Variants in EML6 observed in about 807,000 individuals in gnomAD.
EML6 encodes the protein echinoderm microtubule-associated protein-like 6.
EML6 carries 154 observed loss-of-function variants against 240.1 expected under a neutral mutation model. That is an observed-to-expected ratio of 0.64 (90% confidence interval 0.56 to 0.73). EML6 has a LOEUF of 0.73. Among genes scored for constraint, EML6 ranks in the 30% least tolerant of loss-of-function variants. EML6 has a pLI of 0.00. For synonymous variants in EML6, 1,148 were observed against 899.0 expected, an observed-to-expected ratio of 1.28 and a Z score of -4.95; for missense variants, 2,964 against 2,474.6, an observed-to-expected ratio of 1.20 and a Z score of -4.20.
intron 5 of EML6, among the ~76,000 whole-genome samples, chr2:54,826,882 C>T (rs1469443600): frequency 6.6e-6 from 1 of 152,084 alleles, no homozygotes; most frequent in Non-Finnish European, 1.5e-5. Flanking sequence ...ACTAAAAATA[C>T]CTAGATATAG....
At chr2:54,954,500 G>T (rs555075756) in intron 32 of EML6, among the ~76,000 whole-genome samples, 2 of 152,178 alleles carry the variant, frequency 1.3e-5, no homozygotes, top group Non-Finnish European at 2.9e-5. Context: ...CTTGTCTTCC[G>T]TGCTCTTTCT....
chr2:54,918,894 T>A (rs1674073002), intron 26 of EML6, among the ~76,000 whole-genome samples: 1 of 152,216 alleles, frequency 6.6e-6, no homozygotes, highest in Non-Finnish European at 1.5e-5. Flanking sequence ...TATCACTACT[T>A]CTTTTTCCAA....
At chr2:54,960,388 T>C in intron 35 of EML6, 54 bp downstream of exon 35, 2 of 1,319,252 alleles carry the variant, frequency 1.5e-6, no homozygotes, top group African/African-American at 2.9e-5. Context: ...GAAGTGTAGG[T>C]ACCCTCCCAG....
chr2:54,724,418 G>A lies in EML6; in HGVS notation c.-513-131G>A, dbSNP rs894823757. 1 of 152,194 alleles carries A rather than the reference G, an allele frequency of 6.6e-6. No homozygotes were observed. The highest frequency in any genetic ancestry group is 2.4e-5 in the African/African-American group (1 of 41,446). 9.4% of individuals were successfully genotyped at this position (152,194 alleles called of 1,614,324 possible). ...ATCATTAAGGAGATGGAACTGGAGAGAGAAAGCGGGAGTAGGGGACAATTT... is the reference window on the plus strand; with the variant it reads ...ATCATTAAGGAGATGGAACTGGAGAAAGAAAGCGGGAGTAGGGGACAATTT... On this transcript the variant is annotated intron_variant, in intron 1 of 41. Transcript: ENST00000356458. This position sits in a 1 kb window ranked among gnomAD's most constrained non-coding sequence, Gnocchi z 5.2.
At chr2:54,923,595 C>T (rs534488750) in intron 26 of EML6, among the ~76,000 whole-genome samples, 1 of 152,126 alleles carries the variant, frequency 6.6e-6, no homozygotes, top group African/African-American at 2.4e-5. Flanking sequence ...TTTCATCATG[C>T]ATATTACTAT....
chr2:54,726,965 A>T (rs2104361348), intron 2 of EML6, among the ~76,000 whole-genome samples: 1 of 152,282 alleles, frequency 6.6e-6, no homozygotes, highest in South Asian at 2.1e-4. Context: ...CCTAATCCTA[A>T]TTTTTTCTCT....
chr2:54,860,950 AAC>A (rs1296362739), intron 12 of EML6, among the ~76,000 whole-genome samples: 1 of 152,194 alleles, frequency 6.6e-6, no homozygotes, highest in Non-Finnish European at 1.5e-5. Flanking sequence ...TATATCACAG[AAC>A]AGAGATGTGG....
chr2:54,952,757 T>C lies in EML6; in HGVS notation c.4312+65T>C, dbSNP rs1049653317. 2.7e-5 allele frequency: 30 copies of C among 1,111,826 alleles called. No homozygotes were observed. The East Asian group carries it at 4.4e-4, about 16-fold the overall frequency. The allele number at this position is 1,111,826 out of a possible 1,614,324, so 68.9% of individuals were successfully genotyped here. On this transcript the variant is annotated intron_variant, in intron 31 of 41. Coordinates refer to ENST00000356458, the MANE Select transcript of EML6 (RefSeq NM_001039753.4). Reference sequence around the variant, plus strand: ...AGGGACGCTGACCTGTCAGCAATTATTGGGAGAGGGAGTGGGTGGGTTGCT... The same window carrying C: ...AGGGACGCTGACCTGTCAGCAATTACTGGGAGAGGGAGTGGGTGGGTTGCT...
At chr2:54,943,611 C>G (rs1675538997) in intron 28 of EML6, among the ~76,000 whole-genome samples, 1 of 152,132 alleles carries the variant, frequency 6.6e-6, no homozygotes, top group African/African-American at 2.4e-5. Flanking sequence ...TCTTTAACCC[C>G]TGAGTCCAGT....
intron 2 of EML6, among the ~76,000 whole-genome samples, chr2:54,784,274 T>G (rs377267222): frequency 3.3e-5 from 5 of 152,192 alleles, no homozygotes; most frequent in South Asian, 2.1e-4. Context: ...TAGATCTTTA[T>G]GAAGTTGTAA....
chr2:54,734,037 A>T (rs993035205), intron 2 of EML6, among the ~76,000 whole-genome samples: 1 of 152,188 alleles, frequency 6.6e-6, no homozygotes, highest in African/African-American at 2.4e-5. Context: ...AAGGGCTTAC[A>T]TTAAAAATAT....
Position 54,895,402 on chromosome 2 carries a change from T to G in EML6, c.2982+2T>G. Reference sequence around the variant, plus strand: ...GGCCCAATGACACTGCTTGTTCAGGTACTGTTTGTATGTATTCTAAACTGC... The same window carrying G: ...GGCCCAATGACACTGCTTGTTCAGGGACTGTTTGTATGTATTCTAAACTGC... On this transcript the variant is annotated splice_donor_variant, in intron 21 of 41. Coordinates refer to ENST00000356458, the MANE Select transcript of EML6 (RefSeq NM_001039753.4). LOFTEE classifies it high-confidence loss of function. 6.4e-7 allele frequency: 1 copy of G among 1,551,852 alleles called. No individual in the cohort carries two copies. The highest frequency in any genetic ancestry group is 8.7e-7 in the Non-Finnish European group (1 of 1,146,886).
intron 10 of EML6, among the ~76,000 whole-genome samples, chr2:54,852,994 G>A (rs533976992): frequency 5.3e-5 from 8 of 152,262 alleles, no homozygotes; most frequent in Non-Finnish European, 1.0e-4. Flanking sequence ...TTATTTTCCC[G>A]CGTGAATTAC....
chr2:54,734,594 A>C (rs560491025), intron 2 of EML6, among the ~76,000 whole-genome samples: 16 of 152,212 alleles, frequency 1.1e-4, no homozygotes, highest in South Asian at 4.1e-4. Context: ...GGCACTGGGG[A>C]GGTGGCTTGA....
At chr2:54,849,376 C>T (rs997942773) in intron 9 of EML6, among the ~76,000 whole-genome samples, 1 of 152,228 alleles carries the variant, frequency 6.6e-6, no homozygotes, top group Non-Finnish European at 1.5e-5. Context: ...TTCTATCACA[C>T]TGCAGTTTGT....
intron 25 of EML6, among the ~76,000 whole-genome samples, chr2:54,912,090 C>T (rs1399148613): frequency 6.6e-6 from 1 of 152,236 alleles, no homozygotes; most frequent in Non-Finnish European, 1.5e-5. Context: ...TAAACTGTCC[C>T]AGTATTGTAA....
chr2:54,864,472 C>T (rs1378310971), intron 13 of EML6, among the ~76,000 whole-genome samples: 1 of 152,198 alleles, frequency 6.6e-6, no homozygotes, highest in African/African-American at 2.4e-5. Flanking sequence ...ATCATTTTAG[C>T]ACTAAACAGT....
rs545070486 is a variant in EML6 at position 54,878,350 on chromosome 2, A to G, written c.2345-1197A>G. Among the ~76,000 whole-genome samples the G allele has an allele frequency of 1.1e-4, 16 of 152,266 alleles. No homozygotes were observed. In the South Asian group the frequency reaches 3.3e-3, roughly 32 times the overall value. The stretch of plus-strand genomic sequence containing the variant: ...CATGGCTGGCCCTTGGTAGTCAGAG[A>G]AGAGCCCTGATATACTGATGCAGGA... On this transcript the variant is annotated intron_variant, in intron 16 of 41. Transcript: ENST00000356458.
At chr2:54,818,497 C>T (rs1668179447) in intron 4 of EML6, among the ~76,000 whole-genome samples, 1 of 152,188 alleles carries the variant, frequency 6.6e-6, no homozygotes, top group African/African-American at 2.4e-5. Flanking sequence ...GTTCCTGTAC[C>T]TCAGTTCATT....
Sources: allele counts gnomAD v4.1 joint callset (sites outside exome capture counted in the v4.1 genomes callset), GRCh38; gene constraint gnomAD v4.1.1; non-coding constraint Gnocchi (gnomAD v3.1); transcripts MANE v1.5; gene names NCBI Gene and HGNC (gene_info 2026-07-23, HGNC 2026-07-21).